Variants in PTCHD4 observed in about 807,000 individuals in gnomAD.
PTCHD4 encodes the protein patched domain containing 4, also known as patched domain-containing protein 4.
PTCHD4 carries 33 observed loss-of-function variants against 58.1 expected under a neutral mutation model. The ratio of observed to expected loss-of-function variants is 0.57; its 90% CI spans 0.43 to 0.76. The LOEUF (loss-of-function observed/expected upper bound fraction) is 0.76. Among genes scored for constraint, PTCHD4 ranks in the 30% least tolerant of loss-of-function variants. The pLI is 0.00. For synonymous variants in PTCHD4, 478 were observed against 409.6 expected (o/e 1.17, Z -2.02); for missense variants, 1,058 against 1,027.1 (o/e 1.03, Z -0.41).
chr6:48,094,724 C>T (rs138527116), intron 1 of PTCHD4, among the ~76,000 whole-genome samples: 48 of 152,154 alleles, frequency 3.2e-4, no homozygotes, highest in African/African-American at 1.1e-3. Context: ...GTTGGGGTAA[C>T]ATGATAAATG....
At position 48,011,902 on chromosome 6, in the gene PTCHD4, T is replaced by C. The variant is rs112751207; in HGVS notation, c.418-2788A>G. On this transcript the variant is annotated intron_variant, in intron 3 of 4. Transcript: ENST00000339488. Reference sequence around the variant, plus strand: ...GGTTGTAGATGTGCGCCATTATTTCTGAGGCCTCTGTTCTGTTCTATTGGT... The same window carrying C: ...GGTTGTAGATGTGCGCCATTATTTCCGAGGCCTCTGTTCTGTTCTATTGGT... Among the ~76,000 whole-genome samples, 578 of 152,354 alleles carry C rather than the reference T, an allele frequency of 3.8e-3. 2 individuals carry two copies. Among genetic ancestry groups the C allele is most frequent in the African/African-American group, 0.013 (548 of 41,576 alleles).
At chr6:47,913,663 A>G (rs77332802) in intron 4 of PTCHD4, among the ~76,000 whole-genome samples, 85,510 of 151,128 alleles carry the variant, frequency 0.57, 25,379 homozygotes, top group East Asian at 0.78. Context: ...GTAAGCAGTG[A>G]CCCCAGTGCA....
At chr6:47,938,315 C>T (rs1766086720) in intron 4 of PTCHD4, among the ~76,000 whole-genome samples, 1 of 152,100 alleles carries the variant, frequency 6.6e-6, no homozygotes, top group Non-Finnish European at 1.5e-5. Flanking sequence ...AATGATGGGG[C>T]TTGTGATTCT....
chr6:47,962,470 C>T (rs941213337), intron 4 of PTCHD4, among the ~76,000 whole-genome samples: 12 of 152,074 alleles, frequency 7.9e-5, no homozygotes, highest in Non-Finnish European at 1.2e-4. Context: ...CAAGGAGAGA[C>T]CAGATGGAGA....
At chr6:48,006,253 G>A (rs910677945) in intron 4 of PTCHD4, among the ~76,000 whole-genome samples, 2 of 152,152 alleles carry the variant, frequency 1.3e-5, no homozygotes, top group African/African-American at 4.8e-5. Context: ...GTGTTGAAGG[G>A]TCTAGACTTT....
chr6:47,919,703 T>G (rs1394485649), intron 4 of PTCHD4, among the ~76,000 whole-genome samples: 2 of 152,128 alleles, frequency 1.3e-5, no homozygotes, highest in East Asian at 3.9e-4. Flanking sequence ...GGGCAACCAT[T>G]AAAAGGCTTT....
At chr6:48,060,934 A>T (rs1367750431) in intron 3 of PTCHD4, among the ~76,000 whole-genome samples, 1 of 152,226 alleles carries the variant, frequency 6.6e-6, no homozygotes, top group East Asian at 1.9e-4. Context: ...GGCACCTTTC[A>T]GAGGCCCTGA....
intron 4 of PTCHD4, among the ~76,000 whole-genome samples, chr6:47,930,777 C>T (rs1324276853): frequency 6.6e-6 from 1 of 152,074 alleles, no homozygotes; most frequent in Non-Finnish European, 1.5e-5. Context: ...CATATGTACT[C>T]ATGAAGTGTA....
chr6:47,901,759 T>C, intron 4 of PTCHD4: 5 of 1,229,496 alleles, frequency 4.1e-6, no homozygotes, highest in Non-Finnish European at 5.2e-6. Context: ...ATGGTATTGG[T>C]GGTGATGATG....
intron 4 of PTCHD4, among the ~76,000 whole-genome samples, chr6:47,957,486 T>C (rs1766908337): frequency 6.6e-6 from 1 of 151,240 alleles, no homozygotes. Flanking sequence ...TAAAGTTTAA[T>C]CTGAATTAGT....
At chr6:48,020,542 A>C (rs185199356) in intron 3 of PTCHD4, among the ~76,000 whole-genome samples, 513 of 152,170 alleles carry the variant, frequency 3.4e-3, no homozygotes, top group African/African-American at 0.011. Flanking sequence ...TTTGCACCAA[A>C]CTAATAATAC....
chr6:48,101,043 T>C (rs1421723652), intron 1 of PTCHD4, among the ~76,000 whole-genome samples: 1 of 151,700 alleles, frequency 6.6e-6, no homozygotes, highest in African/African-American at 2.4e-5. Context: ...TTGGATTGAA[T>C]TTAAAAAGTT....
At chr6:47,900,387 T>A (rs1386068539) in intron 4 of PTCHD4, 1 of 152,258 alleles carries the variant, frequency 6.6e-6, no homozygotes, top group Non-Finnish European at 1.5e-5. Flanking sequence ...TTTGAGCATT[T>A]TAAATATACT....
In PTCHD4 at chr6:47,933,655, A is replaced by C. The variant is rs187724360; in HGVS notation, c.899-53719T>G. 2.7e-3 allele frequency among the ~76,000 whole-genome samples: 407 copies of C among 152,310 alleles called. 1 individual carries two copies. The highest frequency in any genetic ancestry group is 4.2e-3 in the Non-Finnish European group (283 of 68,024). ...AAGACACAAGTCAATTAATTACTGAAAAATCATAGACTTAGTATAAGATTA... is the reference window on the plus strand; with the variant it reads ...AAGACACAAGTCAATTAATTACTGACAAATCATAGACTTAGTATAAGATTA... On this transcript the variant is annotated intron_variant, in intron 4 of 4. Transcript: ENST00000339488.
intron 1 of PTCHD4, among the ~76,000 whole-genome samples, chr6:48,084,162 C>A (rs1212400554): frequency 6.6e-6 from 1 of 152,114 alleles, no homozygotes; most frequent in Admixed American, 6.6e-5. Flanking sequence ...TATGAAATTT[C>A]TTTCACACAG....
At chr6:47,884,774 A>G (rs77805689) in intron 4 of PTCHD4, among the ~76,000 whole-genome samples, 91 of 152,314 alleles carry the variant, frequency 6.0e-4, no homozygotes, top group African/African-American at 2.1e-3. Flanking sequence ...GTAGGGCTGT[A>G]TGCTGTGTAC....
rs576810679 is a variant in PTCHD4 at position 47,876,955 on chromosome 6, C to T, written c.*1348G>A. Among the ~76,000 whole-genome samples, 8 of 152,022 alleles carry T rather than the reference C, an allele frequency of 5.3e-5. No homozygotes were observed. In the South Asian group the frequency reaches 1.2e-3, roughly 24 times the overall value. On this transcript the variant is annotated 3_prime_UTR_variant, in exon 5 of 5. Transcript: ENST00000339488. Reference sequence around the variant, plus strand: ...CGATCACCCTAGGAGGTGGGCCAACCGAGGAGCACTTTCCAGGTAACAAGA... The same window carrying T: ...CGATCACCCTAGGAGGTGGGCCAACTGAGGAGCACTTTCCAGGTAACAAGA...
intron 3 of PTCHD4, among the ~76,000 whole-genome samples, chr6:48,012,293 T>C (rs766248966): frequency 6.6e-6 from 1 of 152,190 alleles, no homozygotes; most frequent in Non-Finnish European, 1.5e-5. Flanking sequence ...TTACATGCAT[T>C]GTAAGTTGTA....
chr6:48,092,197 C>A (rs1308224050), intron 1 of PTCHD4, among the ~76,000 whole-genome samples: 1 of 152,044 alleles, frequency 6.6e-6, no homozygotes, highest in Non-Finnish European at 1.5e-5. Flanking sequence ...AAAATGAAAC[C>A]CAGGGAGAAA....
Sources: allele counts gnomAD v4.1 joint callset (sites outside exome capture counted in the v4.1 genomes callset), GRCh38; gene constraint gnomAD v4.1.1; transcripts MANE v1.5; gene names NCBI Gene and HGNC (gene_info 2026-07-23, HGNC 2026-07-21).